The following SLC36A1 variants were observed in gnomAD, a reference collection of about 807,000 sequenced individuals.
SLC36A1 encodes the protein solute carrier family 36 member 1.
Under a neutral mutation model 47.5 loss-of-function variants are expected in SLC36A1, and 30 were observed. The ratio of observed to expected loss-of-function variants is 0.63; its 90% CI spans 0.47 to 0.86. SLC36A1 has a LOEUF of 0.86. SLC36A1 is among the 40% of genes least tolerant of loss of function. SLC36A1 has a pLI of 0.00. For missense variants in SLC36A1, 517 were observed against 606.0 expected, an observed-to-expected ratio of 0.85 and a Z score of 1.54; for synonymous variants, 255 against 249.7, an observed-to-expected ratio of 1.02 and a Z score of -0.20.
At chr5:151,554,881 G>A in the SLC36A1 span, among the ~76,000 whole-genome samples, 1 of 152,230 alleles carries the variant, frequency 6.6e-6, no homozygotes, top group African/African-American at 2.4e-5. Context: ...AGAAAGAACT[G>A]GAAGAAGACA....
At chr5:151,391,534 G>C in the SLC36A1 span, among the ~76,000 whole-genome samples, 1 of 152,150 alleles carries the variant, frequency 6.6e-6, no homozygotes, top group Admixed American at 6.6e-5. Flanking sequence ...TATTGGCTGT[G>C]GGTTTGTCAT....
intron 10 of SLC36A1, among the ~76,000 whole-genome samples, chr5:151,487,636 C>G (rs1482187307): frequency 1.3e-5 from 2 of 152,114 alleles, no homozygotes; most frequent in Non-Finnish European, 2.9e-5. Context: ...CTTTTCTTCT[C>G]CCTACCCTCC....
intron 1 of SLC36A1, among the ~76,000 whole-genome samples, chr5:151,441,289 C>G (rs1200603494): frequency 6.6e-6 from 1 of 152,034 alleles, no homozygotes; most frequent in African/African-American, 2.4e-5. Context: ...GACCTCATTT[C>G]TAAAAAAATG....
At chr5:151,454,083 ATT>A (rs35097474) in intron 1 of SLC36A1, among the ~76,000 whole-genome samples, 8 of 88,078 alleles carry the variant, frequency 9.1e-5, no homozygotes, top group Admixed American at 1.3e-4. Flanking sequence ...GTACACTTAA[ATT>A]TTTTTTTTTT....
the SLC36A1 span, among the ~76,000 whole-genome samples, chr5:151,515,030 T>C: frequency 2.6e-5 from 4 of 152,340 alleles, no homozygotes; most frequent in East Asian, 7.7e-4. Context: ...CCAGATATTT[T>C]CCTTCTTTCC....
At chr5:151,360,892 G>T in the SLC36A1 span, among the ~76,000 whole-genome samples, 404 of 152,192 alleles carry the variant, frequency 2.7e-3, 6 homozygotes, top group African/African-American at 9.3e-3. Context: ...GTGTCTATTT[G>T]CTCTTGAATT....
the SLC36A1 span, among the ~76,000 whole-genome samples, chr5:151,429,433 G>T: frequency 0.016 from 2,224 of 143,394 alleles, 46 homozygotes; most frequent in African/African-American, 0.054. Flanking sequence ...CCACCTATGA[G>T]TGAGAACATA....
At chr5:151,543,360 C>G in the SLC36A1 span, 1 of 1,614,212 alleles carries the variant, frequency 6.2e-7, no homozygotes, top group East Asian at 2.2e-5. Context: ...ATACTGTGTA[C>G]TCAGATGCTT....
chr5:151,364,345 C>A, the SLC36A1 span, among the ~76,000 whole-genome samples: 1 of 152,164 alleles, frequency 6.6e-6, no homozygotes, highest in Admixed American at 6.5e-5. Flanking sequence ...ACAGTTCAAA[C>A]CCATGTTGTT....
chr5:151,349,150 G>A, the SLC36A1 span, among the ~76,000 whole-genome samples: 1 of 152,160 alleles, frequency 6.6e-6, no homozygotes, highest in African/African-American at 2.4e-5. Context: ...GCTCGAGCAA[G>A]GTCAGTAATA....
At chr5:151,398,212 G>A in the SLC36A1 span, among the ~76,000 whole-genome samples, 3 of 152,254 alleles carry the variant, frequency 2.0e-5, no homozygotes, top group East Asian at 1.9e-4. Flanking sequence ...CTCTGCCTCC[G>A]AGTAGCTTTG....
At chr5:151,534,991 A>G in the SLC36A1 span, among the ~76,000 whole-genome samples, 3 of 142,556 alleles carry the variant, frequency 2.1e-5, no homozygotes, top group Non-Finnish European at 4.6e-5. Flanking sequence ...ATATATATAT[A>G]TATATGTATA....
the SLC36A1 span, among the ~76,000 whole-genome samples, chr5:151,370,640 A>C: frequency 6.6e-6 from 1 of 152,322 alleles, no homozygotes; most frequent in East Asian, 1.9e-4. Flanking sequence ...ATTAAATTAT[A>C]ATATCAAATC....
the SLC36A1 span, among the ~76,000 whole-genome samples, chr5:151,383,689 C>T: frequency 1.3e-5 from 2 of 151,520 alleles, no homozygotes; most frequent in African/African-American, 4.9e-5. Context: ...TCTCCTGCCT[C>T]AGCCTTCCAA....
the SLC36A1 span, among the ~76,000 whole-genome samples, chr5:151,358,176 A>G: frequency 1.1e-3 from 161 of 152,322 alleles, no homozygotes; most frequent in African/African-American, 3.6e-3. Context: ...TTTGGTTTTC[A>G]GTTAGTTTGC....
At chr5:151,379,976 A>AT in the SLC36A1 span, among the ~76,000 whole-genome samples, 1 of 144,924 alleles carries the variant, frequency 6.9e-6, no homozygotes. Flanking sequence ...TCAAGCAACT[A>AT]GAAAAAAAAA....
the SLC36A1 span, chr5:151,512,058 G>T: frequency 1.9e-6 from 2 of 1,054,658 alleles, no homozygotes; most frequent in African/African-American, 1.6e-5. The surrounding 1 kb of genome is among the most constrained non-coding windows in gnomAD (Gnocchi z 4.1). Flanking sequence ...GGAAGAGAGA[G>T]AAATTTGGAA....
At chr5:151,512,558 A>T in the SLC36A1 span, 3 of 1,613,932 alleles carry the variant, frequency 1.9e-6, no homozygotes, top group African/African-American at 4.0e-5. This position sits in a 1 kb window ranked among gnomAD's most constrained non-coding sequence, Gnocchi z 4.1. Flanking sequence ...AGGTTTCCAT[A>T]GAAACCACCC....
the SLC36A1 span, among the ~76,000 whole-genome samples, chr5:151,423,606 C>CA: frequency 6.6e-6 from 1 of 152,120 alleles, no homozygotes; most frequent in African/African-American, 2.4e-5. Flanking sequence ...AGACAGTAAA[C>CA]AAAATCAGTG....
Sources: allele counts gnomAD v4.1 joint callset (sites outside exome capture counted in the v4.1 genomes callset), GRCh38; gene constraint gnomAD v4.1.1; non-coding constraint Gnocchi (gnomAD v3.1); transcripts MANE v1.5; gene names NCBI Gene and HGNC (gene_info 2026-07-23, HGNC 2026-07-21).